The following PPP1R12C variants were observed in gnomAD, a reference collection of about 807,000 sequenced individuals.
PPP1R12C encodes the protein leukocyte receptor cluster (LRC) encoded novel gene 3.
In PPP1R12C, 48 loss-of-function variants were observed where a neutral mutation model predicts 95.6. The ratio of observed to expected loss-of-function variants is 0.50; its 90% CI spans 0.40 to 0.64. The LOEUF (loss-of-function observed/expected upper bound fraction) is 0.64. Among genes scored for constraint, PPP1R12C ranks in the 30% least tolerant of loss-of-function variants. PPP1R12C has a pLI of 0.00. For missense variants in PPP1R12C, 1,057 were observed against 1,083.3 expected (o/e 0.98, Z 0.34); for synonymous variants, 480 against 460.8 (o/e 1.04, Z -0.53).
chr19:55,115,594 G>C (rs554172200), intron 1 of PPP1R12C: 1 of 146,978 alleles, frequency 6.8e-6, no homozygotes, highest in Non-Finnish European at 1.5e-5. Context: ...TGGCTCCATC[G>C]TAAGCAAACC....
rs761591979 is a variant in PPP1R12C at position 55,092,499 on chromosome 19, C to T, written c.1998G>A (p.Arg666=). ...CTGGCTCAGGTTCTGGGTTGAGGTC[C>T]CGCTGCCACCGCTGCCTGCGGGCCG... ...GPSARRQRWQ[R]DLNPEPEPES... The change falls in exon 18 of 22, where the codon CGG becomes CGA. Residue 666 remains arginine (R), a synonymous_variant. Transcript: ENST00000263433. 6.2e-7 allele frequency: 1 copy of T among 1,609,006 alleles called. No homozygotes were observed. Among genetic ancestry groups the T allele is most frequent in the Non-Finnish European group, 8.5e-7 (1 of 1,178,168 alleles).
chr19:55,091,843 C>A lies in PPP1R12C; in HGVS notation c.2211+16G>T. The A allele has an allele frequency of 6.2e-7, 1 of 1,613,448 alleles. No individual in the cohort carries two copies. The highest frequency in any genetic ancestry group is 1.7e-5 in the Admixed American group (1 of 60,032). On this transcript the variant is annotated intron_variant, in intron 20 of 21. Coordinates refer to ENST00000263433, the MANE Select transcript of PPP1R12C (RefSeq NM_017607.4). ...TGGGGACGCCTCTGGCCCCCATCCCCACTGCCCCTACTCACGAATCTCTCC... is the reference window on the plus strand; with the variant it reads ...TGGGGACGCCTCTGGCCCCCATCCCAACTGCCCCTACTCACGAATCTCTCC...
intron 3 of PPP1R12C, among the ~76,000 whole-genome samples, chr19:55,107,570 G>C (rs551875325): frequency 6.6e-6 from 1 of 152,154 alleles, no homozygotes; most frequent in South Asian, 2.1e-4. Context: ...GATGAAGCTG[G>C]AAACCATCAC....
At chr19:55,095,744 C>G (rs1404733838) in intron 9 of PPP1R12C, 123 bp downstream of exon 9, 2 of 1,520,518 alleles carry the variant, frequency 1.3e-6, no homozygotes, top group Non-Finnish European at 9.1e-7. Flanking sequence ...AGCCGGTTGT[C>G]CAGGACGACT....
intron 19 of PPP1R12C, 90 bp downstream of exon 19, chr19:55,092,132 C>A: frequency 7.9e-7 from 1 of 1,262,426 alleles, no homozygotes; most frequent in Non-Finnish European, 1.1e-6. Context: ...GCCCCGCCGG[C>A]ACCCCCAGGC....
chr19:55,104,166 A>AG, intron 3 of PPP1R12C, among the ~76,000 whole-genome samples: 1 of 98,416 alleles, frequency 1.0e-5, no homozygotes, highest in African/African-American at 5.5e-5. Context: ...CTGTCTAAAA[A>AG]AAAAAAAAAA....
Position 55,092,785 on chromosome 19 carries a change from C to T in PPP1R12C, c.1909G>A (p.Glu637Lys). The change falls in exon 16 of 22, where the codon GAG becomes AAG. Residue 637 changes from glutamate to lysine, a missense_variant and splice_region_variant. This residue lies in a region of PPP1R12C where 347 missense variants were observed against 307.9 expected (regional missense o/e 1.13). Coordinates refer to ENST00000263433, the MANE Select transcript of PPP1R12C (RefSeq NM_017607.4). ...TCGGCCCCACCTGAGCCCCTCACCTCCGCAGGCCCCCTCCACTCCTTTCCG... is the reference window on the plus strand; with the variant it reads ...TCGGCCCCACCTGAGCCCCTCACCTTCGCAGGCCCCCTCCACTCCTTTCCG... Reference protein sequence around the residue: ...KVGKEWRGPAEGEEAEPADRS... With the variant: ...KVGKEWRGPAKGEEAEPADRS... 1 of 1,555,530 alleles carries T rather than the reference C, an allele frequency of 6.4e-7. No individual in the cohort carries two copies. The highest frequency in any genetic ancestry group is 8.7e-7 in the Non-Finnish European group (1 of 1,149,660).
In PPP1R12C at chr19:55,093,157, C is replaced by A. The variant is rs752462715; in HGVS notation, c.1760G>T (p.Ser587Ile). Residue 587 changes from serine to isoleucine, a missense_variant, in exon 14 of 22, where the codon AGC (serine) becomes ATC (isoleucine). Ser to Ile is a moderately radical substitution (Grantham distance 142). Around this residue, in one of 5 missense-constraint regions of PPP1R12C, gnomAD observed 347 missense variants for 307.9 expected, o/e 1.13. Coordinates refer to ENST00000263433, the MANE Select transcript of PPP1R12C (RefSeq NM_017607.4). ...GCCCTCGCTGACCCCTCTCACCAGG[C>A]TCTGCGCCGGCTTCTCTGACTCTGG... ...KAPESEKPAQ[S>I]LDPSRRPRVP... 5.0e-6 allele frequency: 8 copies of A among 1,613,726 alleles called. No homozygotes were observed. The highest frequency in any genetic ancestry group is 1.3e-5 in the African/African-American group (1 of 75,030).
Position 55,117,440 on chromosome 19 carries a change from G to T in PPP1R12C, c.104C>A (p.Ala35Asp). Residue 35 changes from alanine to aspartate, a missense_variant, in exon 1 of 22, where the codon GCC becomes GAC. Ala to Asp is a moderately radical substitution (Grantham distance 126). Around this residue, in one of 5 missense-constraint regions of PPP1R12C, gnomAD observed 70 missense variants for 47.8 expected, o/e 1.46. Coordinates refer to ENST00000263433, the MANE Select transcript of PPP1R12C (RefSeq NM_017607.4). ...QLRQWGARAG[A>D]EPGPGERRAR... The stretch of plus-strand genomic sequence containing the variant: ...GCGGCGCTCTCCGGGGCCAGGCTCG[G>T]CGCCCGCCCGCGCCCCCCACTGCCG... The T allele has an allele frequency of 1.0e-6, 1 of 995,458 alleles. No homozygotes were observed. The highest frequency in any genetic ancestry group is 1.2e-6 in the Non-Finnish European group (1 of 838,750). 61.7% of individuals were successfully genotyped at this position (995,458 alleles called of 1,614,324 possible).
chr19:55,097,342 CCACCGTCTTCGCCCCTTCCCCGCAGTT>C (rs1482908399), intron 6 of PPP1R12C, among the ~76,000 whole-genome samples: 2,746 of 124,480 alleles, frequency 0.022, 101 homozygotes, highest in South Asian at 0.031. Flanking sequence ...CTGCAGTTCA[CCACCGTCTTCGCCCCTTCCCCGCAGTT>C]CACCGTCTTC....
chr19:55,099,189 C>G, intron 4 of PPP1R12C, 94 bp from the exon 5 acceptor site: 7 of 1,377,204 alleles, frequency 5.1e-6, no homozygotes, highest in Non-Finnish European at 6.7e-6. Flanking sequence ...GGTCCCAGGC[C>G]ACGAGACTGA....
At chr19:55,098,702 G>A in intron 6 of PPP1R12C, 82 bp downstream of exon 6, 1 of 1,545,344 alleles carries the variant, frequency 6.5e-7, no homozygotes, top group Non-Finnish European at 8.9e-7. Flanking sequence ...AGAAGTCGGG[G>A]GGGTTCCCCC....
intron 12 of PPP1R12C, 52 bp downstream of exon 12, chr19:55,094,609 G>A (rs376586289): frequency 2.0e-5 from 31 of 1,536,218 alleles, no homozygotes; most frequent in South Asian, 2.5e-5. Flanking sequence ...GCTTCACATC[G>A]TCTCTCCCTG....
chr19:55,094,431 A>C lies in PPP1R12C; in HGVS notation c.1597T>G (p.Tyr533Asp). Residue 533 changes from tyrosine to aspartate, a missense_variant, in exon 13 of 22, where the codon TAC becomes GAC. Tyr to Asp is a radical substitution (Grantham distance 160). Transcript: ENST00000263433. ...TCCTCATCCCGCACAGGCATCTGGT[A>C]GGACCTGAGGGAAGGGTCCCAACCT... ...PADSRDRRRS[Y>D]QMPVRDEESE... 6.2e-7 allele frequency: 1 copy of C among 1,613,694 alleles called. No homozygotes were observed. Among genetic ancestry groups the C allele is most frequent in the Non-Finnish European group, 8.5e-7 (1 of 1,180,002 alleles).
intron 18 of PPP1R12C, 43 bp downstream of exon 18, chr19:55,092,399 G>A (rs1356823307): frequency 6.3e-6 from 10 of 1,577,590 alleles, no homozygotes; most frequent in Non-Finnish European, 8.6e-6. Context: ...CAGGAAGCTG[G>A]GCACCCAGCA....
chr19:55,107,896 A>G (rs543539895), intron 3 of PPP1R12C, among the ~76,000 whole-genome samples: 1 of 152,094 alleles, frequency 6.6e-6, no homozygotes, highest in East Asian at 1.9e-4. Context: ...TCAGAGTGAA[A>G]AAAATGTGGT....
intron 4 of PPP1R12C, among the ~76,000 whole-genome samples, chr19:55,100,621 G>A (rs1278647933): frequency 6.6e-6 from 1 of 152,138 alleles, no homozygotes; most frequent in Non-Finnish European, 1.5e-5. Context: ...TTTTGGTTTG[G>A]TTTTGTTTTG....
intron 4 of PPP1R12C, among the ~76,000 whole-genome samples, chr19:55,099,676 G>A (rs548104470): frequency 7.2e-5 from 11 of 152,318 alleles, no homozygotes; most frequent in South Asian, 4.2e-4. Flanking sequence ...CGCTCAGAGC[G>A]CTCAGCAGCA....
At position 55,109,462 on chromosome 19, in the gene PPP1R12C, C is replaced by T. The variant is rs1349883192; in HGVS notation, c.571+3005G>A. 6.6e-6 allele frequency among the ~76,000 whole-genome samples: 1 copy of T among 152,200 alleles called. No individual in the cohort carries two copies. On this transcript the variant is annotated intron_variant, in intron 3 of 21. Transcript: ENST00000263433. This position sits in a 1 kb window ranked among gnomAD's most constrained non-coding sequence, Gnocchi z 4.4. ...TTTGGTTCTTGCAAAGAGTCATGCC[C>T]GATTCAGCCCCTGAGTCGACTGGGC...
Sources: gnomAD v4.1 joint callset for allele counts (sites outside exome capture counted in the v4.1 genomes callset) on GRCh38, gnomAD v4.1.1 for gene constraint, gnomAD v4.1.1 regional missense constraint, Gnocchi (gnomAD v3.1) non-coding constraint, MANE v1.5 for transcripts, NCBI Gene and HGNC (gene_info 2026-07-23, HGNC 2026-07-21) for gene names.